MCF2: variants seen among roughly 807,000 people sequenced by gnomAD.
The protein encoded by MCF2 is proto-oncogene DBL.
A neutral mutation model predicts 82.5 loss-of-function variants in MCF2; 44 were observed. The observed-to-expected ratio is 0.53, with a 90% CI of 0.42 to 0.69. MCF2 has a LOEUF of 0.69. Ranked by LOEUF, MCF2 falls within the 30% of genes least tolerant of loss-of-function variation. The probability of loss-of-function intolerance (pLI) is 0.00; values close to 1 mark genes in which losing one functional copy is unlikely to be tolerated. For missense variants in MCF2, 623 were observed against 663.1 expected (o/e 0.94, Z 0.66); for synonymous variants, 217 against 224.9 (o/e 0.96, Z 0.32).
At chrX:139,658,749 A>G (rs1299530855) in intron 1 of MCF2, among the ~76,000 whole-genome samples, 1 of 93,676 alleles carries the variant, frequency 1.1e-5, no homozygotes, top group Non-Finnish European at 2.0e-5. Context: ...ATCTTGGCTC[A>G]TTGCAACCTC....
intron 1 of MCF2, chrX:139,691,773 T>C (rs1334734290): frequency 4.2e-6 from 2 of 480,625 alleles, no homozygotes; most frequent in African/African-American, 4.9e-5. Context: ...GGGGGTTGTA[T>C]AGACTGGAAA....
upstream of MCF2, among the ~76,000 whole-genome samples, chrX:139,643,442 T>C (rs766285612): frequency 6.4e-4 from 72 of 111,863 alleles, no homozygotes; most frequent in Non-Finnish European, 1.3e-3. Context: ...AACCAACAGT[T>C]ACTAATGGTT....
intron 11 of MCF2, among the ~76,000 whole-genome samples, chrX:139,608,143 A>G (rs1469910627): frequency 5.4e-5 from 6 of 111,705 alleles, no homozygotes; most frequent in Non-Finnish European, 1.1e-4. Flanking sequence ...CCTTTCTAGA[A>G]AATATTATAT....
At chrX:139,683,912 G>C (rs1267379441) in intron 1 of MCF2, among the ~76,000 whole-genome samples, 1 of 112,045 alleles carries the variant, frequency 8.9e-6, no homozygotes, top group Non-Finnish European at 1.9e-5. Flanking sequence ...TTATGACCTT[G>C]GATTAGGCAA....
intron 12 of MCF2, among the ~76,000 whole-genome samples, chrX:139,606,320 G>C (rs1043139023): frequency 9.2e-6 from 1 of 109,117 alleles, no homozygotes; most frequent in Admixed American, 1.0e-4. Flanking sequence ...TTTTACCCTG[G>C]TCTCCTCAAG....
chrX:139,589,268 C>A (rs1287117685), intron 20 of MCF2, among the ~76,000 whole-genome samples: 1 of 111,788 alleles, frequency 8.9e-6, no homozygotes, highest in East Asian at 2.8e-4. Flanking sequence ...TAAAGAATTA[C>A]AACAAACAAA....
At chrX:139,688,470 T>C (rs1258306823) in intron 1 of MCF2, among the ~76,000 whole-genome samples, 1 of 111,863 alleles carries the variant, frequency 8.9e-6, no homozygotes, top group Non-Finnish European at 1.9e-5. Context: ...CCCATCATCA[T>C]TGAAATAAAT....
chrX:139,668,699 C>A (rs371147304), intron 1 of MCF2, among the ~76,000 whole-genome samples: 3 of 111,462 alleles, frequency 2.7e-5, no homozygotes, highest in East Asian at 2.8e-4. Flanking sequence ...ATTGTCTATA[C>A]GCTATTTTGG....
intron 17 of MCF2, 124 bp from the exon 22 acceptor site, chrX:139,597,709 C>T (rs889825818): frequency 6.5e-6 from 3 of 459,233 alleles, no homozygotes; most frequent in African/African-American, 5.0e-5. Context: ...GGAGTAATTC[C>T]TTTTACATGC....
At chrX:139,688,274 A>G (rs944326921) in intron 1 of MCF2, among the ~76,000 whole-genome samples, 1 of 111,754 alleles carries the variant, frequency 8.9e-6, no homozygotes, top group African/African-American at 3.3e-5. Flanking sequence ...TAACCCATCA[A>G]AAAAGGATGC....
chrX:139,602,295 T>G (rs1056497686), intron 16 of MCF2, 111 bp downstream of exon 20: 1 of 601,421 alleles, frequency 1.7e-6, no homozygotes, highest in Admixed American at 2.8e-5. Flanking sequence ...CTTTAACTCA[T>G]ATACGTATAT....
Position 139,706,485 on chromosome X carries a change from C to T in MCF2, c.-45+1621G>A, listed in dbSNP as rs754039543. Among the ~76,000 whole-genome samples the T allele has an allele frequency of 1.8e-4, 20 of 111,388 alleles. No homozygotes were observed. The South Asian group carries it at 2.7e-3, about 15-fold the overall frequency. On this transcript the variant is annotated intron_variant, in intron 1 of 27. Coordinates refer to the MCF2 transcript ENST00000414978. ...AACAGAAAACCAAATACCACATGTT[C>T]TCATTTATGAAGGGAGCTAAGCATT...
chrX:139,686,239 T>C (rs939909082), intron 1 of MCF2, among the ~76,000 whole-genome samples: 3 of 111,247 alleles, frequency 2.7e-5, no homozygotes, highest in African/African-American at 9.8e-5. Context: ...CCACTCTTAT[T>C]CAAGATAGTA....
intron 1 of MCF2, among the ~76,000 whole-genome samples, chrX:139,636,914 A>G (rs1218619055): frequency 1.8e-5 from 2 of 111,720 alleles, no homozygotes; most frequent in African/African-American, 6.5e-5. Flanking sequence ...ATAATTCTAT[A>G]TGCTAATCAG....
Position 139,595,434 on chromosome X carries a change from G to A in MCF2, c.2277+1115C>T, listed in dbSNP as rs1259394926. 3.7e-5 allele frequency among the ~76,000 whole-genome samples: 4 copies of A among 108,220 alleles called. No homozygotes were observed. The East Asian group carries it at 1.2e-3, about 32-fold the overall frequency. 94.0% of individuals were successfully genotyped at this position (108,220 alleles called of 115,157 possible). ...GAGTTCATGTCCTTTGTAGGGACAT[G>A]GATGAAATTGGAAATCATCATTCTC... On this transcript the variant is annotated intron_variant, in intron 19 of 24. Transcript: ENST00000370576.
chrX:139,642,858 G>T, exon 1 of MCF2: 1 of 899,129 alleles, frequency 1.1e-6, no homozygotes, highest in Non-Finnish European at 1.4e-6. Context: ...GGAAGGAGGA[G>T]GAAAAAAAAA....
At chrX:139,596,610 C>T (rs766972582) in exon 19 of MCF2, 11 of 1,208,796 alleles carry the variant, frequency 9.1e-6, no homozygotes, top group Middle Eastern at 4.6e-4. Flanking sequence ...ACTTTCAACA[C>T]GCCTTTTGCA....
intron 1 of MCF2, among the ~76,000 whole-genome samples, chrX:139,637,252 A>G (rs926737728): frequency 1.8e-5 from 2 of 112,023 alleles, no homozygotes; most frequent in Admixed American, 1.9e-4. Context: ...ACAACTACTA[A>G]GCAATCAGAG....
rs113350421 is a variant in MCF2 at position 139,636,891 on chromosome X, G to A, written c.52-4437C>T. On this transcript the variant is annotated intron_variant, in intron 1 of 24. Transcript: ENST00000370576. ...ATCCCAAACATTGACGGCTATATAAGTTGCTTCTAAAGATAATTCTATATG... is the reference window on the plus strand; with the variant it reads ...ATCCCAAACATTGACGGCTATATAAATTGCTTCTAAAGATAATTCTATATG... 9.1e-3 allele frequency among the ~76,000 whole-genome samples: 1,015 copies of A among 111,565 alleles called. 14 individuals are homozygous for A. Among genetic ancestry groups the A allele is most frequent in the African/African-American group, 0.029 (903 of 30,743 alleles).
Sources: gnomAD v4.1 joint callset for allele counts (sites outside exome capture counted in the v4.1 genomes callset) on GRCh38, gnomAD v4.1.1 for gene constraint, MANE v1.5 for transcripts, NCBI Gene and HGNC (gene_info 2026-07-23, HGNC 2026-07-21) for gene names.